The following SCFD1 variants were observed in gnomAD, a reference collection of about 807,000 sequenced individuals.
SCFD1 encodes sec1 family domain-containing protein 1.
In SCFD1, 37 loss-of-function variants were observed where a neutral mutation model predicts 103.2. The ratio of observed to expected loss-of-function variants is 0.36; its 90% CI spans 0.28 to 0.47. The LOEUF (loss-of-function observed/expected upper bound fraction) is 0.47. Ranked by LOEUF, SCFD1 falls within the 20% of genes least tolerant of loss-of-function variation. The pLI is 1.00. For missense variants in SCFD1, 639 were observed against 761.2 expected (o/e 0.84, Z 1.89); for synonymous variants, 264 against 245.0 (o/e 1.08, Z -0.73).
chr14:30,683,196 G>A (rs1047040327), intron 14 of SCFD1: 1 of 1,121,456 alleles, frequency 8.9e-7, no homozygotes, highest in Non-Finnish European at 1.3e-6. Context: ...GAGTGTTCTG[G>A]ATGGAGAGCA....
chr14:30,728,064 A>G (rs1436254002), intron 23 of SCFD1, among the ~76,000 whole-genome samples: 2 of 152,172 alleles, frequency 1.3e-5, no homozygotes, highest in African/African-American at 4.8e-5. Context: ...CTACATGATC[A>G]GTCAGAGAAA....
chr14:30,643,443 A>G, intron 7 of SCFD1, 38 bp downstream of exon 7: 2 of 1,359,972 alleles, frequency 1.5e-6, no homozygotes, highest in Non-Finnish European at 2.1e-6. Context: ...CTTCAAAGTA[A>G]ATTATTTAAC....
At chr14:30,694,475 C>G (rs1371310572) in intron 14 of SCFD1, among the ~76,000 whole-genome samples, 1 of 151,866 alleles carries the variant, frequency 6.6e-6, no homozygotes, top group Non-Finnish European at 1.5e-5. Context: ...AGTTTAAGAC[C>G]AGCCTGCACA....
At chr14:30,706,458 C>T (rs982850242) in intron 18 of SCFD1, among the ~76,000 whole-genome samples, 3 of 151,840 alleles carry the variant, frequency 2.0e-5, no homozygotes, top group African/African-American at 7.3e-5. Context: ...ATTGTCTTCT[C>T]GATGGTTTTT....
intron 11 of SCFD1, among the ~76,000 whole-genome samples, chr14:30,671,522 A>G (rs1888539839): frequency 6.6e-6 from 1 of 152,156 alleles, no homozygotes; most frequent in African/African-American, 2.4e-5. Flanking sequence ...GTATTCAAAT[A>G]TGGAAATTTT....
chr14:30,662,284 A>G (rs1001781060), intron 10 of SCFD1, among the ~76,000 whole-genome samples: 4 of 152,160 alleles, frequency 2.6e-5, no homozygotes, highest in African/African-American at 9.7e-5. Context: ...GTGTGCAAGG[A>G]TGAGACAATA....
At position 30,673,350 on chromosome 14, in the gene SCFD1, A is replaced by G. The variant is rs45529934; in HGVS notation, c.1086+3A>G. The G allele has an allele frequency of 1.5e-5, 22 of 1,457,058 alleles. No homozygotes were observed. The highest frequency in any genetic ancestry group is 2.1e-5 in the Non-Finnish European group (22 of 1,047,542). The allele number at this position is 1,457,058 out of a possible 1,614,324, so 90.3% of individuals were successfully genotyped here. ...TCAAACGACTTAAAAGCATTATGGT[A>G]AGATTCTATTTGCTTTCTAAGAATT... On this transcript the variant is annotated splice_donor_region_variant and intron_variant, in intron 12 of 24. Transcript: ENST00000458591.
intron 4 of SCFD1, among the ~76,000 whole-genome samples, chr14:30,636,744 GTGCTTCTTTTGTTA>G (rs1884763353): frequency 6.6e-6 from 1 of 151,700 alleles, no homozygotes; most frequent in Non-Finnish European, 1.5e-5. Flanking sequence ...CATAAGTTTT[GTGCTTCTTTTGTTA>G]AATTTATTCT....
intron 1 of SCFD1, among the ~76,000 whole-genome samples, chr14:30,625,605 GTATAGGTA>G (rs74438147): frequency 1.7e-5 from 1 of 60,296 alleles, no homozygotes; most frequent in South Asian, 4.1e-4. Flanking sequence ...TTTGTTATAG[GTATAGGTA>G]TACCTATATA....
chr14:30,691,441 T>C (rs1001152804), intron 14 of SCFD1, among the ~76,000 whole-genome samples: 5 of 152,194 alleles, frequency 3.3e-5, no homozygotes, highest in Admixed American at 2.6e-4. Flanking sequence ...TTGAAAGCCA[T>C]AGTTGTAAGT....
intron 19 of SCFD1, among the ~76,000 whole-genome samples, chr14:30,712,943 T>C (rs1891994410): frequency 6.6e-6 from 1 of 152,234 alleles, no homozygotes; most frequent in Non-Finnish European, 1.5e-5. Context: ...AGACTTTTTA[T>C]GTTTCTAAAG....
chr14:30,692,435 C>T (rs1472325383), intron 14 of SCFD1, among the ~76,000 whole-genome samples: 1 of 151,780 alleles, frequency 6.6e-6, no homozygotes, highest in African/African-American at 2.4e-5. Context: ...AAGGAGGAGA[C>T]TGGGAGAGGG....
At chr14:30,684,819 T>A (rs1889831485) in intron 14 of SCFD1, among the ~76,000 whole-genome samples, 1 of 142,044 alleles carries the variant, frequency 7.0e-6, no homozygotes, top group Admixed American at 6.9e-5. Context: ...TTTTTTTTTT[T>A]TTTATTATAC....
chr14:30,664,117 TCCC>T (rs1887695374), intron 10 of SCFD1, among the ~76,000 whole-genome samples: 2 of 152,042 alleles, frequency 1.3e-5, no homozygotes, highest in Admixed American at 1.3e-4. Flanking sequence ...TGGAGACATC[TCCC>T]AGTAGGGGCT....
chr14:30,729,731 G>C (rs1341276448), intron 23 of SCFD1, among the ~76,000 whole-genome samples: 1 of 152,176 alleles, frequency 6.6e-6, no homozygotes, highest in Non-Finnish European at 1.5e-5. Flanking sequence ...CTCTGGATCA[G>C]TTTGGGGAGT....
At chr14:30,648,258 A>G (rs947405881) in intron 7 of SCFD1, among the ~76,000 whole-genome samples, 5 of 152,168 alleles carry the variant, frequency 3.3e-5, no homozygotes, top group Non-Finnish European at 7.3e-5. Flanking sequence ...AAGAAAACAC[A>G]GTTTTGAAAA....
At chr14:30,679,155 G>A (rs553989102) in intron 14 of SCFD1, among the ~76,000 whole-genome samples, 34 of 152,082 alleles carry the variant, frequency 2.2e-4, no homozygotes, top group African/African-American at 7.0e-4. Context: ...ACAGTGGCCA[G>A]TAGCCACATT....
chr14:30,661,884 A>G lies in SCFD1; in HGVS notation c.855+8296A>G, dbSNP rs1887485738. On this transcript the variant is annotated intron_variant, in intron 10 of 24. Coordinates refer to ENST00000458591, the MANE Select transcript of SCFD1 (RefSeq NM_016106.4). Reference sequence around the variant, plus strand: ...TTCCCTAAATCCAATTGAAACTGTTATAGGTATTGAAACCCTGATATATTA... The same window carrying G: ...TTCCCTAAATCCAATTGAAACTGTTGTAGGTATTGAAACCCTGATATATTA... 2.0e-5 allele frequency among the ~76,000 whole-genome samples: 3 copies of G among 152,288 alleles called. No individual in the cohort carries two copies. The South Asian group carries it at 6.2e-4, about 32-fold the overall frequency.
chr14:30,680,535 GTAGTTCC>G (rs1244011269), intron 14 of SCFD1, among the ~76,000 whole-genome samples: 1 of 152,190 alleles, frequency 6.6e-6, no homozygotes, highest in Non-Finnish European at 1.5e-5. Flanking sequence ...CTACCATGCT[GTAGTTCC>G]ATAAAACATA....
Sources: gnomAD v4.1 joint callset for allele counts (sites outside exome capture counted in the v4.1 genomes callset) on GRCh38, gnomAD v4.1.1 for gene constraint, MANE v1.5 for transcripts, NCBI Gene and HGNC (gene_info 2026-07-23, HGNC 2026-07-21) for gene names.